The following VPS35L variants were observed in gnomAD, a reference collection of about 807,000 sequenced individuals.
The protein encoded by VPS35L is VPS35 endosomal protein-sorting factor-like.
Under a neutral mutation model 133.0 loss-of-function variants are expected in VPS35L, and 83 were observed. The ratio of observed to expected loss-of-function variants is 0.62; its 90% CI spans 0.52 to 0.75. The LOEUF (loss-of-function observed/expected upper bound fraction) is 0.75. VPS35L is among the 30% of genes least tolerant of loss of function. The probability of loss-of-function intolerance (pLI) is 0.00; values close to 1 mark genes in which losing one functional copy is unlikely to be tolerated. For synonymous variants in VPS35L, 423 were observed against 449.9 expected (o/e 0.94, Z 0.76); for missense variants, 1,083 against 1,206.8 (o/e 0.90, Z 1.52).
chr16:19,683,951 C>T (rs1975372193), intron 28 of VPS35L, among the ~76,000 whole-genome samples: 1 of 152,174 alleles, frequency 6.6e-6, no homozygotes, highest in South Asian at 2.1e-4. Context: ...TTCAGAGGAA[C>T]CCTCTTTTGG....
chr16:19,692,101 C>T (rs1975712513), intron 29 of VPS35L, among the ~76,000 whole-genome samples: 1 of 152,014 alleles, frequency 6.6e-6, no homozygotes, highest in South Asian at 2.1e-4. Flanking sequence ...TGGTCTTGAA[C>T]TCCTGACCCT....
At chr16:19,584,153 T>C (rs957161883) in intron 7 of VPS35L, among the ~76,000 whole-genome samples, 3 of 152,238 alleles carry the variant, frequency 2.0e-5, no homozygotes, top group Non-Finnish European at 4.4e-5. Context: ...TGAATAGTGC[T>C]GCAGTAAACA....
At chr16:19,558,918 G>C (rs565413572) in intron 1 of VPS35L, among the ~76,000 whole-genome samples, 2 of 98,088 alleles carry the variant, frequency 2.0e-5, no homozygotes, top group African/African-American at 6.7e-5. Flanking sequence ...GTGAGACTCC[G>C]TCTCAAAAAA....
intron 7 of VPS35L, among the ~76,000 whole-genome samples, chr16:19,590,676 C>A (rs114047721): frequency 0.019 from 2,871 of 152,162 alleles, 93 homozygotes; most frequent in African/African-American, 0.064. Flanking sequence ...TGGCCGGGTG[C>A]AGTGGCTCAT....
intron 8 of VPS35L, among the ~76,000 whole-genome samples, chr16:19,600,079 G>C (rs992858481): frequency 2.0e-5 from 3 of 152,180 alleles, no homozygotes; most frequent in South Asian, 4.1e-4. Context: ...AGGTATTTAG[G>C]TAGGTGGCTC....
At chr16:19,564,435 G>A (rs1038866480) in intron 1 of VPS35L, among the ~76,000 whole-genome samples, 2 of 152,028 alleles carry the variant, frequency 1.3e-5, no homozygotes, top group Non-Finnish European at 2.9e-5. Flanking sequence ...GTCTCGCTCT[G>A]TGGCCCAGGC....
At chr16:19,608,556 T>C (rs1258370361) in intron 10 of VPS35L, 1 of 416,460 alleles carries the variant, frequency 2.4e-6, no homozygotes, top group Non-Finnish European at 4.3e-6. Context: ...ATTAAAATGC[T>C]TCATATTTGT....
chr16:19,610,058 G>A (rs767288894), intron 11 of VPS35L, among the ~76,000 whole-genome samples: 7 of 152,210 alleles, frequency 4.6e-5, no homozygotes, highest in Admixed American at 6.5e-5. Flanking sequence ...ATGTGACCTC[G>A]ACTGGGGAAA....
At chr16:19,625,926 G>A (rs907385673) in intron 14 of VPS35L, among the ~76,000 whole-genome samples, 4 of 152,038 alleles carry the variant, frequency 2.6e-5, no homozygotes, top group South Asian at 2.1e-4. Context: ...CACCTGCCTC[G>A]GTCTACCAAA....
intron 27 of VPS35L, among the ~76,000 whole-genome samples, chr16:19,679,177 A>C (rs1412519220): frequency 6.6e-6 from 1 of 152,030 alleles, no homozygotes; most frequent in Non-Finnish European, 1.5e-5. Context: ...GGAGGTTCCC[A>C]GCTGAAACCA....
chr16:19,681,513 G>A (rs1283183002), intron 27 of VPS35L, among the ~76,000 whole-genome samples: 1 of 152,228 alleles, frequency 6.6e-6, no homozygotes, highest in African/African-American at 2.4e-5. Context: ...CAGAGCTTCT[G>A]CACAGAGTGA....
At chr16:19,675,547 A>C (rs149663322) in intron 27 of VPS35L, among the ~76,000 whole-genome samples, 1 of 151,604 alleles carries the variant, frequency 6.6e-6, no homozygotes, top group South Asian at 2.1e-4. Flanking sequence ...AGGAAACTCC[A>C]TACTGTTTTT....
chr16:19,643,807 A>G (rs540326492), intron 22 of VPS35L, among the ~76,000 whole-genome samples: 1 of 152,084 alleles, frequency 6.6e-6, no homozygotes, highest in Admixed American at 6.6e-5. Context: ...AAATACAAAA[A>G]ATTAGCTGGG....
At chr16:19,565,257 T>C (rs1238151728) in intron 2 of VPS35L, among the ~76,000 whole-genome samples, 2 of 151,902 alleles carry the variant, frequency 1.3e-5, no homozygotes, top group African/African-American at 4.8e-5. Context: ...GGTTTCGCCA[T>C]GTTGCCCAGG....
At chr16:19,615,894 G>A (rs556528192) in intron 12 of VPS35L, among the ~76,000 whole-genome samples, 91 of 151,724 alleles carry the variant, frequency 6.0e-4, no homozygotes, top group African/African-American at 2.1e-3. Context: ...TTGAACCAGG[G>A]AGTCGGTGGT....
intron 19 of VPS35L, among the ~76,000 whole-genome samples, chr16:19,635,370 A>G (rs1276923520): frequency 6.6e-6 from 1 of 152,146 alleles, no homozygotes; most frequent in Non-Finnish European, 1.5e-5. Context: ...ACTAAAAATA[A>G]AATAAATAAA....
Position 19,650,463 on chromosome 16 carries a change from T to A in VPS35L, c.2106+4T>A. The stretch of plus-strand genomic sequence containing the variant: ...AAAGACAGCTGCATTTGTCCGGGTA[T>A]GTTCTTAAGATAAGGACTGTTGGAC... On this transcript the variant is annotated splice_donor_region_variant and intron_variant, in intron 25 of 30. Coordinates refer to ENST00000417362, the MANE Select transcript of VPS35L (RefSeq NM_020314.7). 6.2e-7 allele frequency: 1 copy of A among 1,611,998 alleles called. No individual in the cohort carries two copies. Among genetic ancestry groups the A allele is most frequent in the Non-Finnish European group, 8.5e-7 (1 of 1,178,070 alleles).
intron 9 of VPS35L, among the ~76,000 whole-genome samples, chr16:19,605,955 A>AAC (rs1972525537): frequency 6.6e-6 from 1 of 152,202 alleles, no homozygotes; most frequent in Non-Finnish European, 1.5e-5. Context: ...CCCTTAAGGC[A>AAC]TTTGTGTTGA....
chr16:19,581,773 T>G lies in VPS35L; in HGVS notation c.639+120T>G, dbSNP rs1361850721. 14 of 1,173,878 alleles carry G rather than the reference T, an allele frequency of 1.2e-5. No homozygotes were observed. The East Asian group carries it at 3.4e-4, about 28-fold the overall frequency. 72.7% of individuals were successfully genotyped at this position (1,173,878 alleles called of 1,614,324 possible). On this transcript the variant is annotated intron_variant, in intron 7 of 30. Coordinates refer to ENST00000417362, the MANE Select transcript of VPS35L (RefSeq NM_020314.7). The stretch of plus-strand genomic sequence containing the variant: ...TACTCTTGTTTTCTCATCCCTTTCT[T>G]TTTCATATACTTCCTGTGAAAAGCC...
Sources: allele counts gnomAD v4.1 joint callset (sites outside exome capture counted in the v4.1 genomes callset), GRCh38; gene constraint gnomAD v4.1.1; transcripts MANE v1.5; gene names NCBI Gene and HGNC (gene_info 2026-07-23, HGNC 2026-07-21).